The following NCKAP5 variants were observed in gnomAD, a reference collection of about 807,000 sequenced individuals.
The protein encoded by NCKAP5 is nck-associated protein 5.
Under a neutral mutation model 167.0 loss-of-function variants are expected in NCKAP5, and 92 were observed. The ratio of observed to expected loss-of-function variants is 0.55; its 90% confidence interval spans 0.47 to 0.66. The LOEUF is 0.66. Among genes scored for constraint, NCKAP5 ranks in the 30% least tolerant of loss-of-function variants. The pLI, the probability that NCKAP5 is intolerant of heterozygous loss-of-function variation, is 0.00. For synonymous variants in NCKAP5, 891 were observed against 877.4 expected (o/e 1.02, Z -0.27); for missense variants, 2,378 against 2,315.0 (o/e 1.03, Z -0.56).
intron 6 of NCKAP5, among the ~76,000 whole-genome samples, chr2:133,057,897 G>A (rs906862856): frequency 4.6e-5 from 7 of 152,200 alleles, no homozygotes; most frequent in Admixed American, 3.3e-4. Context: ...TGGCTTTAAC[G>A]GCTCAAAGGA....
the NCKAP5 span, among the ~76,000 whole-genome samples, chr2:133,642,762 G>T: frequency 6.6e-6 from 1 of 152,216 alleles, no homozygotes; most frequent in Non-Finnish European, 1.5e-5. Flanking sequence ...TCCAACTGCA[G>T]ATGAACTAGA....
chr2:133,154,855 A>T (rs2083516342), intron 5 of NCKAP5, among the ~76,000 whole-genome samples: 1 of 152,250 alleles, frequency 6.6e-6, no homozygotes, highest in South Asian at 2.1e-4. Context: ...AAGCCAGTTC[A>T]GTTCAGCAGT....
chr2:133,343,862 G>C (rs1203871544), intron 3 of NCKAP5, among the ~76,000 whole-genome samples: 2 of 152,206 alleles, frequency 1.3e-5, no homozygotes, highest in Non-Finnish European at 2.9e-5. Flanking sequence ...TTGCCATAGT[G>C]TAAGTGCACC....
intron 6 of NCKAP5, among the ~76,000 whole-genome samples, chr2:133,006,700 T>C (rs1217441606): frequency 6.6e-6 from 1 of 152,154 alleles, no homozygotes; most frequent in Non-Finnish European, 1.5e-5. Context: ...ATCTGAATAA[T>C]GTCCAAAGCA....
intron 5 of NCKAP5, among the ~76,000 whole-genome samples, chr2:133,179,166 T>C (rs1297487053): frequency 6.7e-6 from 1 of 149,516 alleles, no homozygotes; most frequent in African/African-American, 2.4e-5. Flanking sequence ...AAGCAAAAAG[T>C]AACAAAAATA....
intron 3 of NCKAP5, among the ~76,000 whole-genome samples, chr2:133,319,172 C>CCCCCCCCCTTTT (rs1360185156): frequency 6.6e-6 from 1 of 150,522 alleles, no homozygotes; most frequent in Admixed American, 6.7e-5. Flanking sequence ...CTTCCACCCC[C>CCCCCCCCCTTTT]TGCATTTTCA....
chr2:133,583,878 C>G, the NCKAP5 span, among the ~76,000 whole-genome samples: 1 of 152,132 alleles, frequency 6.6e-6, no homozygotes, highest in African/African-American at 2.4e-5. Flanking sequence ...CTCAGCCTCC[C>G]GAGTAGCTGG....
chr2:133,212,496 T>G (rs1323153645), intron 5 of NCKAP5, among the ~76,000 whole-genome samples: 1 of 152,114 alleles, frequency 6.6e-6, no homozygotes, highest in Admixed American at 6.5e-5. Context: ...GCTTCCTGAG[T>G]AGCTGCAATT....
At chr2:132,878,481 C>A (rs1691467795) in intron 9 of NCKAP5, among the ~76,000 whole-genome samples, 1 of 152,072 alleles carries the variant, frequency 6.6e-6, no homozygotes, top group African/African-American at 2.4e-5. Flanking sequence ...TCTTCTCATT[C>A]ATTGGAAGGG....
chr2:133,287,898 G>A (rs1378325390), intron 4 of NCKAP5, among the ~76,000 whole-genome samples: 2 of 152,278 alleles, frequency 1.3e-5, no homozygotes, highest in South Asian at 2.1e-4. Flanking sequence ...TAGTAGGGAC[G>A]TGTGTGGTTA....
chr2:133,662,491 T>C, the NCKAP5 span, among the ~76,000 whole-genome samples: 2 of 151,436 alleles, frequency 1.3e-5, no homozygotes, highest in Non-Finnish European at 2.9e-5. Context: ...TTCTGGTTTG[T>C]ACTGTAAATA....
intron 13 of NCKAP5, among the ~76,000 whole-genome samples, chr2:132,787,216 C>T (rs913194483): frequency 6.6e-6 from 1 of 151,970 alleles, no homozygotes; most frequent in Non-Finnish European, 1.5e-5. Flanking sequence ...TGCATGTTGG[C>T]GGGTGCCTGT....
chr2:132,789,843 A>T (rs1347319223), intron 13 of NCKAP5, among the ~76,000 whole-genome samples, 180 bp downstream of exon 13: 1 of 152,164 alleles, frequency 6.6e-6, no homozygotes, highest in Non-Finnish European at 1.5e-5. Context: ...TCCAATTTAT[A>T]GTCAAATAGT....
At chr2:133,184,576 C>G (rs532044318) in intron 5 of NCKAP5, among the ~76,000 whole-genome samples, 2 of 152,118 alleles carry the variant, frequency 1.3e-5, no homozygotes, top group East Asian at 3.9e-4. Context: ...AATATGCATT[C>G]ACACTAACAG....
intron 16 of NCKAP5, among the ~76,000 whole-genome samples, chr2:132,764,746 T>C (rs1232576103): frequency 6.6e-6 from 1 of 152,230 alleles, no homozygotes; most frequent in Non-Finnish European, 1.5e-5. Flanking sequence ...TCAATAGCTC[T>C]TCCTGCCTAC....
chr2:133,514,570 A>T lies in NCKAP5; in HGVS notation c.69+2888T>A, dbSNP rs143854366. ...TAAAATAAAAAGTGTAATGAAGTTA[A>T]TAGCACCTTATTCTTGCAATACATT... On this transcript the variant is annotated intron_variant, in intron 3 of 19. Coordinates refer to ENST00000409261, the MANE Select transcript of NCKAP5 (RefSeq NM_207363.3). Among the ~76,000 whole-genome samples, 545 of 152,380 alleles carry T rather than the reference A, an allele frequency of 3.6e-3. 4 individuals are homozygous for T. Among genetic ancestry groups the T allele is most frequent in the African/African-American group, 0.012 (512 of 41,586 alleles).
intron 11 of NCKAP5, among the ~76,000 whole-genome samples, chr2:132,824,236 C>A (rs1686965516): frequency 6.6e-6 from 1 of 152,204 alleles, no homozygotes; most frequent in Non-Finnish European, 1.5e-5. Flanking sequence ...CAGTCCAGGG[C>A]TTGTGTAACA....
intron 5 of NCKAP5, among the ~76,000 whole-genome samples, chr2:133,190,088 A>T (rs2085143231): frequency 6.6e-6 from 1 of 152,188 alleles, no homozygotes; most frequent in Admixed American, 6.5e-5. Flanking sequence ...TCAGGATACA[A>T]ATTCAATGTG....
chr2:133,493,346 T>C (rs1001924470), intron 3 of NCKAP5, among the ~76,000 whole-genome samples: 3 of 152,166 alleles, frequency 2.0e-5, no homozygotes, highest in Non-Finnish European at 4.4e-5. Flanking sequence ...AAATAACAAT[T>C]ACCATTAGCC....
Sources: gnomAD v4.1 joint callset for allele counts (sites outside exome capture counted in the v4.1 genomes callset) on GRCh38, gnomAD v4.1.1 for gene constraint, MANE v1.5 for transcripts, NCBI Gene and HGNC (gene_info 2026-07-23, HGNC 2026-07-21) for gene names.